KDM8: variants seen among roughly 807,000 people sequenced by gnomAD.
KDM8 encodes the protein lysine demethylase 8.
KDM8 carries 35 observed loss-of-function variants against 46.9 expected under a neutral mutation model. The observed-to-expected ratio is 0.75, with a 90% confidence interval of 0.57 to 0.99. KDM8 has a LOEUF of 0.99. Among genes scored for constraint, KDM8 ranks in the 50% least tolerant of loss-of-function variants. The pLI, the probability that KDM8 is intolerant of heterozygous loss-of-function variation, is 0.00. For missense variants in KDM8, 475 were observed against 537.0 expected, an observed-to-expected ratio of 0.88 and a Z score of 1.14; for synonymous variants, 232 against 227.7, an observed-to-expected ratio of 1.02 and a Z score of -0.17.
chr16:27,213,535 G>C (rs1486388186), intron 2 of KDM8, 50 bp from the exon 3 acceptor site: 3 of 1,591,556 alleles, frequency 1.9e-6, no homozygotes, highest in Non-Finnish European at 2.6e-6. Context: ...TACCTCAAAT[G>C]TCGACTTCCT....
chr16:27,207,883 G>A (rs2083442499), intron 1 of KDM8, among the ~76,000 whole-genome samples: 1 of 152,146 alleles, frequency 6.6e-6, no homozygotes, highest in South Asian at 2.1e-4. Flanking sequence ...GGGGGATAGT[G>A]TATAATAATC....
At chr16:27,204,333 C>T (rs753551032) in intron 1 of KDM8, 107 of 1,362,228 alleles carry the variant, frequency 7.9e-5, no homozygotes, top group Non-Finnish European at 9.7e-5. Context: ...ACAGGAGGTG[C>T]GCAGGCGTTG....
At chr16:27,209,002 G>T (rs1596644300) in intron 1 of KDM8, among the ~76,000 whole-genome samples, 1 of 152,228 alleles carries the variant, frequency 6.6e-6, no homozygotes, top group East Asian at 1.9e-4. Context: ...TGAGTGTTCT[G>T]GGCAGACACT....
intron 4 of KDM8, 132 bp from the exon 5 acceptor site, chr16:27,215,813 A>G: frequency 1.1e-6 from 1 of 904,512 alleles, no homozygotes. Context: ...AGGGTTGGAG[A>G]GGACCACTCA....
Position 27,210,441 on chromosome 16 carries a change from G to T in KDM8, c.318G>T (p.Leu106=). 1 of 1,601,416 alleles carries T rather than the reference G, an allele frequency of 6.2e-7. No homozygotes were observed. Among genetic ancestry groups the T allele is most frequent in the South Asian group, 1.1e-5 (1 of 90,370 alleles). Residue 106 remains leucine, a synonymous_variant, in exon 2 of 8, where the codon CTG becomes CTT. Coordinates refer to ENST00000286096, the MANE Select transcript of KDM8 (RefSeq NM_024773.3). ...GCTGCCTCCTGAAAGCCCTGTGTCT[G>T]TGCCAGGCACCTGAGGATGCCAACA... ...AIGCLLKALC[L]CQAPEDANTV... is the part of the protein sequence containing the mutation.
intron 6 of KDM8, 141 bp from the exon 7 acceptor site, chr16:27,220,252 G>T (rs528029523): frequency 6.8e-6 from 5 of 734,008 alleles, no homozygotes; most frequent in African/African-American, 1.8e-5. Flanking sequence ...AAACATACAC[G>T]TGGAACCATA....
chr16:27,211,058 T>TGG, intron 2 of KDM8: 1 of 441,288 alleles, frequency 2.3e-6, no homozygotes, highest in Admixed American at 2.6e-5. Flanking sequence ...AGATTACAGG[T>TGG]GTGAGCCACC....
chr16:27,219,820 T>A (rs1426047279), intron 6 of KDM8, among the ~76,000 whole-genome samples: 1 of 152,216 alleles, frequency 6.6e-6, no homozygotes, highest in Non-Finnish European at 1.5e-5. Context: ...ATTAAACCAG[T>A]TAACACACAT....
chr16:27,214,508 C>T (rs1383293783), intron 3 of KDM8: 1 of 219,112 alleles, frequency 4.6e-6, no homozygotes, highest in African/African-American at 2.2e-5. Flanking sequence ...GGCTAGAGGG[C>T]AGAGTCCAGG....
In KDM8 at chr16:27,213,641, C is replaced by T; in HGVS notation, c.555C>T (p.Pro185=). Residue 185 remains proline, a synonymous_variant, in exon 3 of 8, where the codon CCC becomes CCT. Transcript: ENST00000286096. ...IPDVKLEKTV[P]RLHRPSLQHF... is the part of the protein sequence containing the mutation. ...ATGTGAAGTTAGAAAAAACAGTCCC[C>T]CGGCTGCACCGTCCGTCCCTCCAGC... 3.1e-6 allele frequency: 5 copies of T among 1,614,206 alleles called. No individual in the cohort carries two copies. The highest frequency in any genetic ancestry group is 1.7e-6 in the Non-Finnish European group (2 of 1,180,042).
chr16:27,210,679 GA>G (rs1170398463), intron 2 of KDM8, 58 bp downstream of exon 2: 2 of 1,471,200 alleles, frequency 1.4e-6, no homozygotes, highest in African/African-American at 1.4e-5. Context: ...TGTTGTTCTA[GA>G]AATTCCGAGT....
At chr16:27,204,036 C>A in intron 1 of KDM8, 1 of 1,463,144 alleles carries the variant, frequency 6.8e-7, no homozygotes, top group Non-Finnish European at 9.3e-7. Flanking sequence ...AGGCAACCAG[C>A]CGCTGCCCCT....
chr16:27,216,949 T>A (rs1214431101), intron 5 of KDM8, among the ~76,000 whole-genome samples: 2 of 152,132 alleles, frequency 1.3e-5, no homozygotes, highest in Admixed American at 1.3e-4. Flanking sequence ...GAGCAGCTGT[T>A]TCATACTTTG....
intron 2 of KDM8, chr16:27,211,156 T>A (rs934392895): frequency 4.4e-6 from 2 of 455,084 alleles, no homozygotes; most frequent in Non-Finnish European, 8.8e-6. Context: ...GCAGCGCCCT[T>A]TCAGCAGAGA....
chr16:27,220,066 C>CA (rs1376742123), intron 6 of KDM8, among the ~76,000 whole-genome samples: 1 of 151,876 alleles, frequency 6.6e-6, no homozygotes, highest in Non-Finnish European at 1.5e-5. Flanking sequence ...AATAAAAATA[C>CA]AAAAATCAGC....
At chr16:27,204,265 G>A (rs2083406608) in intron 1 of KDM8, 2 of 1,403,734 alleles carry the variant, frequency 1.4e-6, no homozygotes, top group Admixed American at 3.4e-5. Context: ...GCATCGGTGC[G>A]TTTCCCGGCA....
intron 1 of KDM8, among the ~76,000 whole-genome samples, chr16:27,205,216 CT>C (rs2083416174): frequency 6.6e-6 from 1 of 152,070 alleles, no homozygotes; most frequent in South Asian, 2.1e-4. Context: ...TACTTGGCTC[CT>C]TTTTGTTTAG....
At chr16:27,204,366 A>T (rs1406802583) in intron 1 of KDM8, 1 of 1,339,794 alleles carries the variant, frequency 7.5e-7, no homozygotes, top group Non-Finnish European at 9.5e-7. Context: ...CGACCCAAAC[A>T]CAAGACTGTG....
intron 3 of KDM8, 35 bp downstream of exon 3, chr16:27,213,786 C>A (rs367993556): frequency 9.3e-6 from 15 of 1,606,170 alleles, no homozygotes; most frequent in Non-Finnish European, 1.7e-6. Flanking sequence ...GGTCCCTTTT[C>A]CCATTTTAGC....
Sources: gnomAD v4.1 joint callset for allele counts (sites outside exome capture counted in the v4.1 genomes callset) on GRCh38, gnomAD v4.1.1 for gene constraint, MANE v1.5 for transcripts, NCBI Gene and HGNC (gene_info 2026-07-23, HGNC 2026-07-21) for gene names.